The following ZMYND11 variants were observed in gnomAD, a reference collection of about 807,000 sequenced individuals.
ZMYND11 encodes the protein zinc finger MYND-type containing 11.
A neutral mutation model predicts 84.9 loss-of-function variants in ZMYND11; 9 were observed. That is an observed-to-expected ratio of 0.11 (90% CI 0.06 to 0.18). The LOEUF is 0.18. Among genes scored for constraint, ZMYND11 ranks in the 10% least tolerant of loss-of-function variants. The pLI, the probability that ZMYND11 is intolerant of heterozygous loss-of-function variation, is 1.00. For synonymous variants in ZMYND11, 250 were observed against 244.1 expected, an observed-to-expected ratio of 1.02 and a Z score of -0.23; for missense variants, 409 against 761.0, an observed-to-expected ratio of 0.54 and a Z score of 5.44.
rs139692639 is a variant in ZMYND11 at position 220,295 on chromosome 10, C to A, written c.277-900C>A. Among the ~76,000 whole-genome samples, 392 of 152,232 alleles carry A rather than the reference C, an allele frequency of 2.6e-3. 3 individuals carry two copies. Among genetic ancestry groups the A allele is most frequent in the African/African-American group, 9.0e-3 (375 of 41,558 alleles). On this transcript the variant is annotated intron_variant, in intron 3 of 14. Transcript: ENST00000381604. Reference sequence around the variant, plus strand: ...TTTACCCTTGTTCATTTGGTTACTACATCTACAAATAAAGTTGAGAATTAA... The same window carrying A: ...TTTACCCTTGTTCATTTGGTTACTAAATCTACAAATAAAGTTGAGAATTAA...
At chr10:134,388 C>G (rs1835438479), upstream of ZMYND11, 1 of 152,214 alleles carries the variant, frequency 6.6e-6, no homozygotes, top group African/African-American at 2.4e-5. Flanking sequence ...ATGCTTATCT[C>G]CGAACCTTTC....
intron 1 of ZMYND11, among the ~76,000 whole-genome samples, chr10:146,836 C>A (rs1838987973): frequency 6.6e-6 from 1 of 152,188 alleles, no homozygotes; most frequent in Non-Finnish European, 1.5e-5. Context: ...CTCACAAGAT[C>A]TGATGGTTTT....
chr10:225,012 A>T (rs1039781731), intron 4 of ZMYND11, among the ~76,000 whole-genome samples: 4 of 152,250 alleles, frequency 2.6e-5, no homozygotes, highest in African/African-American at 9.6e-5. Flanking sequence ...GGAAAAAAAT[A>T]AGAAAATCAT....
At chr10:176,529 T>C (rs1846663654) in intron 1 of ZMYND11, among the ~76,000 whole-genome samples, 1 of 152,186 alleles carries the variant, frequency 6.6e-6, no homozygotes, top group Non-Finnish European at 1.5e-5. Flanking sequence ...ATTGAAGGTT[T>C]AGTATGTTCA....
At chr10:171,276 G>A (rs1446841496) in intron 1 of ZMYND11, among the ~76,000 whole-genome samples, 1 of 152,186 alleles carries the variant, frequency 6.6e-6, no homozygotes, top group East Asian at 1.9e-4. Flanking sequence ...CAGGCAGAAA[G>A]TTGGTAAGGA....
intron 8 of ZMYND11, among the ~76,000 whole-genome samples, 170 bp downstream of exon 8, chr10:240,281 GGATCACGA>G (rs970232080): frequency 1.3e-5 from 2 of 152,118 alleles, no homozygotes; most frequent in African/African-American, 2.4e-5. Flanking sequence ...CAAGTTGGGC[GGATCACGA>G]GATCAAGAGA....
intron 2 of ZMYND11, among the ~76,000 whole-genome samples, chr10:205,040 T>A (rs1157436317): frequency 6.6e-6 from 1 of 152,012 alleles, no homozygotes; most frequent in Non-Finnish European, 1.5e-5. Context: ...ACTGGAAGAG[T>A]TTGAGTCTCA....
intron 6 of ZMYND11, among the ~76,000 whole-genome samples, chr10:238,565 C>T (rs886697715): frequency 5.3e-5 from 8 of 152,080 alleles, no homozygotes; most frequent in Admixed American, 5.2e-4. Context: ...ACCGTTTTAG[C>T]CAGGATGGTC....
chr10:240,792 C>A, intron 8 of ZMYND11, 101 bp from the exon 9 acceptor site: 1 of 904,626 alleles, frequency 1.1e-6, no homozygotes, highest in Non-Finnish European at 1.6e-6. Flanking sequence ...AAATTCAACA[C>A]TATTTATATA....
intron 2 of ZMYND11, among the ~76,000 whole-genome samples, chr10:196,599 T>C (rs1302526506): frequency 6.6e-6 from 1 of 152,186 alleles, no homozygotes; most frequent in Non-Finnish European, 1.5e-5. Flanking sequence ...AATTTTGTCT[T>C]AGAGTTGTGT....
At chr10:145,520 G>C (rs548959381) in intron 1 of ZMYND11, among the ~76,000 whole-genome samples, 1 of 152,066 alleles carries the variant, frequency 6.6e-6, no homozygotes, top group Non-Finnish European at 1.5e-5. Context: ...ATACATTCTC[G>C]TAAGCATTCT....
chr10:147,262 C>T (rs770207618), intron 1 of ZMYND11, among the ~76,000 whole-genome samples: 1 of 152,076 alleles, frequency 6.6e-6, no homozygotes, highest in African/African-American at 2.4e-5. Context: ...TCAGATTACT[C>T]TGACTAGGAC....
chr10:183,225 T>G (rs956859221), intron 2 of ZMYND11, among the ~76,000 whole-genome samples: 3 of 133,988 alleles, frequency 2.2e-5, no homozygotes, highest in East Asian at 2.0e-4. Context: ...TTGTTGTTGG[T>G]TTTTTTTTTT....
At chr10:181,338 G>A (rs192401010) in intron 2 of ZMYND11, among the ~76,000 whole-genome samples, 28 of 152,256 alleles carry the variant, frequency 1.8e-4, no homozygotes, top group African/African-American at 6.3e-4. Context: ...GCTACTTAAC[G>A]ATGGGCTCAG....
chr10:147,042 C>T (rs1307004797), intron 1 of ZMYND11, among the ~76,000 whole-genome samples: 1 of 152,220 alleles, frequency 6.6e-6, no homozygotes, highest in Admixed American at 6.5e-5. Flanking sequence ...TGGACTAATA[C>T]ACTCAGCTTG....
At chr10:180,677 G>A (rs1027227379) in intron 2 of ZMYND11, among the ~76,000 whole-genome samples, 14 of 152,226 alleles carry the variant, frequency 9.2e-5, no homozygotes, top group African/African-American at 3.4e-4. Flanking sequence ...GGGATTTACA[G>A]GCGTGAGCCA....
chr10:202,646 C>T (rs192039798), intron 2 of ZMYND11, among the ~76,000 whole-genome samples: 1 of 152,142 alleles, frequency 6.6e-6, no homozygotes, highest in Non-Finnish European at 1.5e-5. Flanking sequence ...GCGACTCATC[C>T]TTCAGCCATA....
At chr10:169,501 G>A (rs972304778) in intron 1 of ZMYND11, among the ~76,000 whole-genome samples, 1 of 152,062 alleles carries the variant, frequency 6.6e-6, no homozygotes, top group Admixed American at 6.6e-5. Flanking sequence ...TCAGACCAGG[G>A]GTTATTAAAA....
At chr10:216,210 C>G (rs573927342) in intron 3 of ZMYND11, among the ~76,000 whole-genome samples, 1 of 152,154 alleles carries the variant, frequency 6.6e-6, no homozygotes, top group African/African-American at 2.4e-5. Context: ...CAAGCAGGGG[C>G]GCCCTTGCGT....
Sources: gnomAD v4.1 joint callset for allele counts (sites outside exome capture counted in the v4.1 genomes callset) on GRCh38, gnomAD v4.1.1 for gene constraint, MANE v1.5 for transcripts, NCBI Gene and HGNC (gene_info 2026-07-23, HGNC 2026-07-21) for gene names.